CHD9NB: variants seen among roughly 807,000 people sequenced by gnomAD.
CHD9NB encodes the protein CHD9 neighbor protein.
the CHD9NB span, among the ~76,000 whole-genome samples, chr16:53,047,667 A>G: frequency 2.0e-5 from 3 of 152,290 alleles, no homozygotes; most frequent in South Asian, 2.1e-4. Context: ...CTATCTCCAA[A>G]TATAGTCACA....
chr16:53,044,366 C>T, the CHD9NB span: 82 of 389,292 alleles, frequency 2.1e-4, no homozygotes, highest in African/African-American at 1.3e-3. Flanking sequence ...GCTGCCCTTC[C>T]GGCTAACCTG....
the CHD9NB span, among the ~76,000 whole-genome samples, chr16:53,044,503 G>C: frequency 6.6e-6 from 1 of 152,236 alleles, no homozygotes; most frequent in Non-Finnish European, 1.5e-5. Flanking sequence ...ATCTTCACAT[G>C]CAAAACAAGC....
the CHD9NB span, among the ~76,000 whole-genome samples, chr16:53,049,192 G>T: frequency 6.6e-6 from 1 of 151,902 alleles, no homozygotes; most frequent in African/African-American, 2.4e-5. Context: ...TCACTCTGTT[G>T]CCTGGATGGA....
chr16:53,042,069 G>GC, the CHD9NB span, among the ~76,000 whole-genome samples: 32 of 152,236 alleles, frequency 2.1e-4, no homozygotes, highest in Non-Finnish European at 2.1e-4. Context: ...CACCGCAGTT[G>GC]CCTTATTGCT....
chr16:53,044,258 G>A, the CHD9NB span: 1,398 of 397,690 alleles, frequency 3.5e-3, 17 homozygotes, highest in African/African-American at 0.026. Flanking sequence ...CCATCCTCTT[G>A]CAGCACTGTT....
chr16:53,042,588 TC>T, the CHD9NB span, among the ~76,000 whole-genome samples: 1 of 108,212 alleles, frequency 9.2e-6, no homozygotes, highest in African/African-American at 3.5e-5. Flanking sequence ...TCTTCCTCCC[TC>T]CCCGTCCCCC....
the CHD9NB span, among the ~76,000 whole-genome samples, chr16:53,038,215 G>A: frequency 7.9e-5 from 12 of 152,294 alleles, no homozygotes; most frequent in East Asian, 3.9e-4. Flanking sequence ...AACGACAGTG[G>A]GTCTTCTTGA....
At chr16:53,047,612 C>T in the CHD9NB span, among the ~76,000 whole-genome samples, 2 of 152,202 alleles carry the variant, frequency 1.3e-5, no homozygotes, top group African/African-American at 4.8e-5. Flanking sequence ...GATTTCAGCC[C>T]CATCCTTACG....
At chr16:53,045,207 C>T in the CHD9NB span, among the ~76,000 whole-genome samples, 1 of 152,118 alleles carries the variant, frequency 6.6e-6, no homozygotes, top group Non-Finnish European at 1.5e-5. Context: ...AAGCGATCTG[C>T]CTGTTCAGCT....
chr16:53,046,742 A>G, the CHD9NB span, among the ~76,000 whole-genome samples: 1 of 152,130 alleles, frequency 6.6e-6, no homozygotes, highest in African/African-American at 2.4e-5. Flanking sequence ...CCTCTCCCAG[A>G]CACATCCTGG....
the CHD9NB span, among the ~76,000 whole-genome samples, chr16:53,041,769 CAG>C: frequency 2.0e-5 from 3 of 150,268 alleles, no homozygotes; most frequent in Non-Finnish European, 4.4e-5. Flanking sequence ...GGGAGAAAAA[CAG>C]AGTTGTCTTA....
the CHD9NB span, chr16:53,044,412 A>C: frequency 2.7e-6 from 1 of 373,090 alleles, no homozygotes; most frequent in Non-Finnish European, 4.8e-6. Context: ...TCATTCCACC[A>C]GAAGAATTCC....
the CHD9NB span, among the ~76,000 whole-genome samples, chr16:53,036,456 T>C: frequency 9.2e-5 from 14 of 152,328 alleles, no homozygotes; most frequent in South Asian, 2.9e-3. Flanking sequence ...TCCAGAGTTT[T>C]GTCCTTGATA....
At chr16:53,046,279 A>G in the CHD9NB span, among the ~76,000 whole-genome samples, 11 of 152,074 alleles carry the variant, frequency 7.2e-5, no homozygotes, top group African/African-American at 2.4e-4. Context: ...CAGCAGGAGC[A>G]CCCAGGGGCA....
chr16:53,041,719 A>G, the CHD9NB span, among the ~76,000 whole-genome samples: 1 of 152,118 alleles, frequency 6.6e-6, no homozygotes, highest in African/African-American at 2.4e-5. Context: ...CACCATGCAC[A>G]GTCCTGTTTT....
the CHD9NB span, among the ~76,000 whole-genome samples, chr16:53,044,699 AC>A: frequency 3.5e-5 from 5 of 143,144 alleles, no homozygotes; most frequent in South Asian, 1.1e-3. Context: ...CATTAAAATA[AC>A]TAGCTAATAG....
the CHD9NB span, among the ~76,000 whole-genome samples, chr16:53,052,154 G>A: frequency 6.9e-6 from 1 of 144,744 alleles, no homozygotes; most frequent in South Asian, 2.2e-4. Context: ...TGGGGTGGGA[G>A]AAATGCTTGA....
chr16:53,038,281 C>T, the CHD9NB span, among the ~76,000 whole-genome samples: 1 of 152,170 alleles, frequency 6.6e-6, no homozygotes, highest in Non-Finnish European at 1.5e-5. Context: ...CCAGGCACAC[C>T]CAGAAATAAT....
chr16:53,049,979 G>A, the CHD9NB span, among the ~76,000 whole-genome samples: 4 of 152,156 alleles, frequency 2.6e-5, no homozygotes, highest in Admixed American at 6.5e-5. Flanking sequence ...CGAGGTGGGC[G>A]GATCACTTGA....
Sources: gnomAD v4.1 joint callset for allele counts (sites outside exome capture counted in the v4.1 genomes callset) on GRCh38, gnomAD v4.1.1 for gene constraint, MANE v1.5 for transcripts, NCBI Gene and HGNC (gene_info 2026-07-23, HGNC 2026-07-21) for gene names.